Variants in CLPTM1L observed in about 807,000 individuals in gnomAD.
The protein encoded by CLPTM1L is lipid scramblase CLPTM1L.
In CLPTM1L, 38 loss-of-function variants were observed where a neutral mutation model predicts 70.9. The ratio of observed to expected loss-of-function variants is 0.54; its 90% confidence interval spans 0.41 to 0.70. The LOEUF (loss-of-function observed/expected upper bound fraction) is 0.70, where lower values mean the gene tolerates loss of function less well. CLPTM1L is among the 30% of genes least tolerant of loss of function. The probability of loss-of-function intolerance (pLI) is 0.00; values close to 1 mark genes in which losing one functional copy is unlikely to be tolerated. For missense variants in CLPTM1L, 652 were observed against 705.9 expected (o/e 0.92, Z 0.87); for synonymous variants, 339 against 299.9 (o/e 1.13, Z -1.35).
intron 9 of CLPTM1L, 140 bp downstream of exon 9, chr5:1,330,140 C>T: frequency 1.1e-5 from 8 of 709,316 alleles, no homozygotes; most frequent in South Asian, 1.7e-5. Context: ...TGCCATCCTA[C>T]AGCTTCCAGA....
rs1202315382 is a variant in CLPTM1L, at chr5:1,342,054, G to T, written c.264-194C>A. On this transcript the variant is annotated intron_variant, in intron 2 of 16. Transcript: ENST00000320895. This position sits in a 1 kb window ranked among gnomAD's most constrained non-coding sequence, Gnocchi z 4.3. ...TGTGTGTGTGTGCACGCGCACGCGT[G>T]CGCGTCCTGAGAACTCGGCACAGGT... 6.7e-6 allele frequency among the ~76,000 whole-genome samples: 1 copy of T among 149,582 alleles called. No homozygotes were observed. The highest frequency in any genetic ancestry group is 6.6e-5 in the Admixed American group (1 of 15,144).
intron 5 of CLPTM1L, among the ~76,000 whole-genome samples, chr5:1,337,059 C>T (rs74739441): frequency 0.1 from 15,509 of 152,206 alleles, 1,004 homozygotes; most frequent in South Asian, 0.22. Flanking sequence ...TGGAAGTGGC[C>T]GGCTCCTAGT....
intron 9 of CLPTM1L, 188 bp from the exon 10 acceptor site, chr5:1,326,004 G>C (rs144306054): frequency 3.4e-6 from 2 of 581,410 alleles, no homozygotes; most frequent in South Asian, 2.3e-5. Context: ...ACCCACACAC[G>C]GCAGGCGTAC....
chr5:1,344,536 G>A (rs1424531029), intron 1 of CLPTM1L, 85 bp from the exon 2 acceptor site: 8 of 1,479,330 alleles, frequency 5.4e-6, no homozygotes, highest in Non-Finnish European at 2.8e-6. Context: ...GAGGGCGGAA[G>A]ACCTGGCCGC....
At chr5:1,329,322 G>A (rs1298895820) in intron 9 of CLPTM1L, among the ~76,000 whole-genome samples, 3 of 152,386 alleles carry the variant, frequency 2.0e-5, no homozygotes, top group African/African-American at 7.2e-5. Context: ...GCCACAGCAC[G>A]AGCCTCTCAA....
chr5:1,344,140 C>T (rs574342820), intron 2 of CLPTM1L, among the ~76,000 whole-genome samples: 1 of 152,362 alleles, frequency 6.6e-6, no homozygotes, highest in East Asian at 1.9e-4. Context: ...CTGAGAACTA[C>T]TTCTTAAACG....
Position 1,325,769 on chromosome 5 carries a change from G to A in CLPTM1L, c.1128C>T (p.Gly376=), listed in dbSNP as rs766681588. The A allele has an allele frequency of 1.9e-6, 3 of 1,613,800 alleles. No individual in the cohort carries two copies. The highest frequency in any genetic ancestry group is 3.3e-5 in the Admixed American group (2 of 60,012). Residue 376 remains glycine (G), a synonymous_variant, in exon 10 of 17, where the codon GGC becomes GGT. Transcript: ENST00000320895. ...ATCCTACCTGAAATTCGGGCATCAG[G>A]CCTCTCCAAAAAATAGTCATCTTCA... ...KALKMTIFWR[G]LMPEFQFGTY...
chr5:1,329,500 C>T (rs1029816534), intron 9 of CLPTM1L, among the ~76,000 whole-genome samples: 2 of 146,320 alleles, frequency 1.4e-5, no homozygotes, highest in East Asian at 2.0e-4. Flanking sequence ...GTGGACAGAG[C>T]CTCAGGACTC....
intron 9 of CLPTM1L, 110 bp from the exon 10 acceptor site, chr5:1,325,926 C>A (rs928651682): frequency 4.4e-5 from 38 of 862,618 alleles, no homozygotes; most frequent in Non-Finnish European, 6.5e-5. Flanking sequence ...CCCCGCGCAG[C>A]CCACTGTCCT....
At position 1,337,824 on chromosome 5, in the gene CLPTM1L, T is replaced by G. The variant is rs1753671962; in HGVS notation, c.678+80A>C. The G allele has an allele frequency of 9.7e-6, 11 of 1,128,748 alleles. No homozygotes were observed. In the East Asian group the frequency reaches 2.7e-4, roughly 28 times the overall value. 69.9% of individuals were successfully genotyped at this position (1,128,748 alleles called of 1,614,324 possible). A position where few individuals can be genotyped will look rare whatever the true frequency, so the allele number is the denominator to read the frequency against. On this transcript the variant is annotated intron_variant, in intron 5 of 16. Transcript: ENST00000320895. ...AAATGTCAGCAATGGCCCGGTCCAT[T>G]AGGGTGCAGGGGCTGCGGGGCCAGT...
intron 13 of CLPTM1L, among the ~76,000 whole-genome samples, chr5:1,322,596 C>T (rs1423379809): frequency 1.3e-5 from 2 of 152,368 alleles, no homozygotes; most frequent in African/African-American, 2.4e-5. Context: ...CTGCACCACA[C>T]AGCCTGGCGT....
intron 12 of CLPTM1L, 60 bp from the exon 13 acceptor site, chr5:1,322,971 T>C (rs1223048559): frequency 3.4e-6 from 5 of 1,464,402 alleles, no homozygotes; most frequent in African/African-American, 2.8e-5. Context: ...CTGTATTAAA[T>C]TGATGAAAAA....
chr5:1,334,849 GTTC>G (rs953891027), intron 6 of CLPTM1L, among the ~76,000 whole-genome samples: 64 of 152,358 alleles, frequency 4.2e-4, no homozygotes, highest in African/African-American at 1.5e-3. Flanking sequence ...CACATATTAT[GTTC>G]TTAATAAAGC....
At position 1,339,002 on chromosome 5, in the gene CLPTM1L, T is replaced by A. The variant is rs757829133; in HGVS notation, c.457A>T (p.Ile153Phe). The A allele has an allele frequency of 1.2e-6, 2 of 1,612,900 alleles. No individual in the cohort carries two copies. Among genetic ancestry groups the A allele is most frequent in the South Asian group, 1.1e-5 (1 of 91,078 alleles). Residue 153 changes from isoleucine (I) to phenylalanine (F), a missense_variant, in exon 4 of 17, where the codon ATC becomes TTC. Physicochemically the swap from Ile to Phe is conservative, Grantham distance 21 (BLOSUM62 0). Transcript: ENST00000320895. ...LLTGESDTQQIEAEKKPTSAL... is the reference protein window; with the variant it reads ...LLTGESDTQQFEAEKKPTSAL... The stretch of plus-strand genomic sequence containing the variant: ...CTCGTCGGCTTCTTCTCCGCCTCGA[T>A]CTGCTGTTAAGTGAGGAAAACAGAG...
Position 1,318,958 on chromosome 5 carries a change from G to C in CLPTM1L, c.1533-505C>G, listed in dbSNP as rs542572871. ...ATAAGGGGCAGCTCTACACGGCCGC[G>C]AACAGAAGTACAGGGTTTCAGCTTA... On this transcript the variant is annotated intron_variant, in intron 16 of 16. Coordinates refer to ENST00000320895, the MANE Select transcript of CLPTM1L (RefSeq NM_030782.5). The surrounding 1 kb of genome is among the most constrained non-coding windows in gnomAD (Gnocchi z 8.9). Among the ~76,000 whole-genome samples, 15 of 152,224 alleles carry C rather than the reference G, an allele frequency of 9.9e-5. No homozygotes were observed. The highest frequency in any genetic ancestry group is 2.6e-4 in the Admixed American group (4 of 15,278).
At chr5:1,337,866 C>T (rs754397759) in intron 5 of CLPTM1L, 38 bp downstream of exon 5, 20 of 1,520,076 alleles carry the variant, frequency 1.3e-5, no homozygotes, top group Admixed American at 9.8e-5. Flanking sequence ...GTCAGTGTCT[C>T]GCCAGCTGCA....
chr5:1,336,985 T>G (rs184958213), intron 5 of CLPTM1L, among the ~76,000 whole-genome samples: 7 of 152,254 alleles, frequency 4.6e-5, no homozygotes, highest in Admixed American at 4.6e-4. Context: ...CCAGGACTGT[T>G]TCCTCTTCAA....
chr5:1,320,206 T>C (rs1752069357), intron 16 of CLPTM1L: 1 of 158,082 alleles, frequency 6.3e-6, no homozygotes, highest in South Asian at 2.0e-4. Flanking sequence ...AGCTCCCCAG[T>C]GACATTGTGC....
At chr5:1,344,313 G>C in intron 2 of CLPTM1L, 38 bp downstream of exon 2, 1 of 1,345,794 alleles carries the variant, frequency 7.4e-7, no homozygotes, top group South Asian at 1.2e-5. Context: ...CATGAGTAAT[G>C]TTTTCCCTTT....
Sources: gnomAD v4.1 joint callset for allele counts (sites outside exome capture counted in the v4.1 genomes callset) on GRCh38, gnomAD v4.1.1 for gene constraint, Gnocchi (gnomAD v3.1) non-coding constraint, MANE v1.5 for transcripts, NCBI Gene and HGNC (gene_info 2026-07-23, HGNC 2026-07-21) for gene names.